Variants in MALRD1 observed in about 807,000 individuals in gnomAD.
MALRD1 encodes the protein MAM and LDL receptor class A domain containing 1.
In MALRD1, 247 loss-of-function variants were observed where a neutral mutation model predicts 242.1. The ratio of observed to expected loss-of-function variants is 1.02; its 90% CI spans 0.92 to 1.13. The LOEUF is 1.13. MALRD1 is among the 50% of genes most tolerant of loss of function. MALRD1 has a pLI of 0.00. For synonymous variants in MALRD1, 995 were observed against 866.6 expected (o/e 1.15, Z -2.60); for missense variants, 2,989 against 2,533.1 (o/e 1.18, Z -3.86).
At chr10:19,462,443 CG>C (rs1217879996) in intron 29 of MALRD1, among the ~76,000 whole-genome samples, 1 of 152,224 alleles carries the variant, frequency 6.6e-6, no homozygotes, top group Non-Finnish European at 1.5e-5. Context: ...CTTCTGCCTC[CG>C]GATCAATCCG....
chr10:19,475,696 T>C (rs956663391), intron 29 of MALRD1, among the ~76,000 whole-genome samples: 4 of 152,214 alleles, frequency 2.6e-5, no homozygotes, highest in African/African-American at 9.6e-5. Flanking sequence ...GTATTCATTT[T>C]ATGCAGAAAA....
chr10:19,713,302 A>T (rs1340862776), intron 38 of MALRD1, among the ~76,000 whole-genome samples: 1 of 152,232 alleles, frequency 6.6e-6, no homozygotes, highest in African/African-American at 2.4e-5. Flanking sequence ...CTCTGTTCTT[A>T]TACTTATCTG....
chr10:19,641,079 A>T (rs1477898162), intron 36 of MALRD1, among the ~76,000 whole-genome samples: 1 of 152,174 alleles, frequency 6.6e-6, no homozygotes. Flanking sequence ...GACCTTTGGC[A>T]TGCATTTATC....
intron 4 of MALRD1, among the ~76,000 whole-genome samples, chr10:19,096,535 C>T (rs1226016639): frequency 2.0e-5 from 3 of 152,166 alleles, no homozygotes; most frequent in Non-Finnish European, 4.4e-5. Context: ...TGCTTTAGTT[C>T]TATCCTGTCA....
chr10:19,452,437 CT>C (rs1193299306), intron 29 of MALRD1, among the ~76,000 whole-genome samples: 18 of 152,078 alleles, frequency 1.2e-4, no homozygotes, highest in Non-Finnish European at 2.9e-5. Flanking sequence ...GCCTATAGTT[CT>C]TTCTTTTTCA....
intron 38 of MALRD1, among the ~76,000 whole-genome samples, chr10:19,720,242 C>T (rs893079381): frequency 1.6e-4 from 25 of 152,124 alleles, no homozygotes; most frequent in Admixed American, 3.3e-4. Context: ...TCTCTCCTCC[C>T]TCCTTGCCAA....
chr10:19,061,573 G>A (rs1411255912), intron 1 of MALRD1, among the ~76,000 whole-genome samples: 1 of 152,092 alleles, frequency 6.6e-6, no homozygotes, highest in African/African-American at 2.4e-5. Flanking sequence ...ACCTGAGTGT[G>A]GTATTGACAT....
chr10:19,589,179 A>T (rs962336880), intron 33 of MALRD1, among the ~76,000 whole-genome samples: 10 of 152,084 alleles, frequency 6.6e-5, no homozygotes, highest in African/African-American at 2.4e-4. Flanking sequence ...TTGGTCCAAG[A>T]TAGATAGATA....
In MALRD1 at chr10:19,531,326, A is replaced by G. The variant is rs41276112; in HGVS notation, c.5453A>G (p.Asp1818Gly). The G allele has an allele frequency of 6.5e-7, 1 of 1,547,008 alleles. No homozygotes were observed. The highest frequency in any genetic ancestry group is 1.2e-5 in the South Asian group (1 of 83,626). ...GTTCGGTTCTGGTTCTACATGATTG[A>G]TCCCAGGAGTATGGGAATATTAAAG... ...CTVRFWFYMI[D>G]PRSMGILKVY... The change falls in exon 32 of 40, where the codon GAT (aspartate) becomes GGT (glycine). Residue 1818 changes from aspartate (D) to glycine (G), a missense_variant. Coordinates refer to ENST00000454679, the MANE Select transcript of MALRD1 (RefSeq NM_001142308.3).
intron 21 of MALRD1, among the ~76,000 whole-genome samples, chr10:19,306,081 A>G (rs1842170404): frequency 8.4e-6 from 1 of 118,710 alleles, no homozygotes; most frequent in African/African-American, 3.4e-5. Flanking sequence ...TATACTATAT[A>G]CTATATATAC....
At chr10:19,051,934 A>C (rs1257066353) in intron 1 of MALRD1, 4 of 192,606 alleles carry the variant, frequency 2.1e-5, no homozygotes, top group South Asian at 1.5e-4. Flanking sequence ...AAAAAAAAAA[A>C]AAAAAAAAAA....
chr10:19,460,451 ATTT>A (rs61481398), intron 29 of MALRD1, among the ~76,000 whole-genome samples: 14 of 150,628 alleles, frequency 9.3e-5, no homozygotes, highest in Admixed American at 2.0e-4. Context: ...GCACACACAG[ATTT>A]TTTTTTTTTT....
In MALRD1 at chr10:19,126,714, T is replaced by A. The variant is rs377371309; in HGVS notation, c.944-1507T>A. Among the ~76,000 whole-genome samples, 142 of 152,204 alleles carry A rather than the reference T, an allele frequency of 9.3e-4. No homozygotes were observed. The South Asian group carries it at 0.015, about 16-fold the overall frequency. ...ACTGTGCAGATTATTATTTTTTATTTTTTTTTATTTTTTGGGGGTAGCAGT... is the reference window on the plus strand; with the variant it reads ...ACTGTGCAGATTATTATTTTTTATTATTTTTTATTTTTTGGGGGTAGCAGT... On this transcript the variant is annotated intron_variant, in intron 7 of 39. Coordinates refer to ENST00000454679, the MANE Select transcript of MALRD1 (RefSeq NM_001142308.3).
At chr10:19,055,209 A>G (rs1029348985) in intron 1 of MALRD1, among the ~76,000 whole-genome samples, 1 of 152,306 alleles carries the variant, frequency 6.6e-6, no homozygotes, top group East Asian at 1.9e-4. Context: ...CTTTTGAGTA[A>G]TATCTGCTAA....
intron 29 of MALRD1, chr10:19,488,544 A>G (rs1837332050): frequency 6.5e-6 from 1 of 153,118 alleles, no homozygotes; most frequent in Admixed American, 6.5e-5. Context: ...AAGTTTGGGC[A>G]GCGGGCACCT....
intron 33 of MALRD1, among the ~76,000 whole-genome samples, chr10:19,590,711 G>C (rs1837733411): frequency 6.6e-6 from 1 of 152,078 alleles, no homozygotes; most frequent in South Asian, 2.1e-4. Flanking sequence ...TTGTGTGTGT[G>C]TGTCTGTGTG....
intron 5 of MALRD1, among the ~76,000 whole-genome samples, chr10:19,106,521 A>G (rs1391839064): frequency 1.3e-5 from 2 of 151,792 alleles, no homozygotes; most frequent in East Asian, 1.9e-4. Context: ...TGAATCTTCT[A>G]TCTTTTTTCC....
intron 33 of MALRD1, among the ~76,000 whole-genome samples, chr10:19,591,334 A>T (rs970960351): frequency 3.3e-5 from 5 of 152,220 alleles, no homozygotes; most frequent in Non-Finnish European, 7.3e-5. Context: ...AAACTGCAAA[A>T]TGAGATAAAC....
chr10:19,540,943 T>C (rs2131376225), intron 32 of MALRD1, among the ~76,000 whole-genome samples: 1 of 152,256 alleles, frequency 6.6e-6, no homozygotes, highest in African/African-American at 2.4e-5. Flanking sequence ...GGCAAGACCT[T>C]GTGTCTTTAA....
Sources: gnomAD v4.1 joint callset for allele counts (sites outside exome capture counted in the v4.1 genomes callset) on GRCh38, gnomAD v4.1.1 for gene constraint, MANE v1.5 for transcripts, NCBI Gene and HGNC (gene_info 2026-07-23, HGNC 2026-07-21) for gene names.